Variants in ABTB3 observed in about 807,000 individuals in gnomAD.
ABTB3 encodes ankyrin repeat- and BTB/POZ domain-containing protein 3.
the ABTB3 span, among the ~76,000 whole-genome samples, chr12:107,592,884 T>C: frequency 1.3e-5 from 2 of 152,218 alleles, no homozygotes; most frequent in African/African-American, 4.8e-5. Flanking sequence ...GTGGTCATTA[T>C]ATTACTCTAT....
chr12:107,327,967 A>G, the ABTB3 span, among the ~76,000 whole-genome samples: 2 of 152,156 alleles, frequency 1.3e-5, no homozygotes, highest in Non-Finnish European at 2.9e-5. Context: ...ATGATAGAGA[A>G]TGTGGAGGAT....
chr12:107,440,339 C>T, the ABTB3 span, among the ~76,000 whole-genome samples: 2 of 152,220 alleles, frequency 1.3e-5, no homozygotes, highest in African/African-American at 2.4e-5. Context: ...AAGCTCACGC[C>T]GACTTCCCAG....
chr12:107,633,579 T>A, the ABTB3 span, among the ~76,000 whole-genome samples: 1 of 152,208 alleles, frequency 6.6e-6, no homozygotes, highest in East Asian at 1.9e-4. Context: ...GGGAGTCACC[T>A]GCAGAGTGTG....
the ABTB3 span, among the ~76,000 whole-genome samples, chr12:107,343,817 G>A: frequency 7.9e-5 from 12 of 152,138 alleles, no homozygotes; most frequent in African/African-American, 2.4e-4. Flanking sequence ...AGAAGTGTGA[G>A]CGCAGGAAAA....
the ABTB3 span, among the ~76,000 whole-genome samples, chr12:107,553,217 A>T: frequency 2.0e-5 from 3 of 152,194 alleles, no homozygotes; most frequent in African/African-American, 7.2e-5. Context: ...ATCCAGATTG[A>T]TCTCTTCTTT....
chr12:107,550,897 T>G, the ABTB3 span, among the ~76,000 whole-genome samples: 1 of 152,104 alleles, frequency 6.6e-6, no homozygotes, highest in South Asian at 2.1e-4. Flanking sequence ...CTAATTTACT[T>G]TTAAAAAAAT....
At chr12:107,630,921 C>A in the ABTB3 span, among the ~76,000 whole-genome samples, 1 of 152,058 alleles carries the variant, frequency 6.6e-6, no homozygotes, top group Non-Finnish European at 1.5e-5. Flanking sequence ...AAATCCAGAC[C>A]TTATTCAGAG....
At chr12:107,635,137 G>A in the ABTB3 span, 6 of 628,398 alleles carry the variant, frequency 9.5e-6, no homozygotes, top group African/African-American at 3.7e-5. Flanking sequence ...GAATGCAAAC[G>A]ACTTCTGTGC....
At chr12:107,619,979 G>T in the ABTB3 span, 3 of 1,595,748 alleles carry the variant, frequency 1.9e-6, no homozygotes, top group Middle Eastern at 1.7e-4. Context: ...TCCTCTCCCC[G>T]CTCCAGGCGT....
the ABTB3 span, among the ~76,000 whole-genome samples, chr12:107,507,846 A>G: frequency 1.3e-5 from 2 of 152,302 alleles, no homozygotes; most frequent in South Asian, 4.1e-4. Context: ...CAGCTCAACA[A>G]TGAAGGCTTT....
the ABTB3 span, among the ~76,000 whole-genome samples, chr12:107,476,062 C>T: frequency 9.2e-5 from 14 of 152,280 alleles, no homozygotes; most frequent in South Asian, 6.2e-4. Flanking sequence ...CCCCAGAAGC[C>T]GGGGCCCTGA....
At chr12:107,499,947 A>G in the ABTB3 span, among the ~76,000 whole-genome samples, 932 of 152,116 alleles carry the variant, frequency 6.1e-3, 8 homozygotes, top group African/African-American at 0.021. Context: ...TGTCCTCCCA[A>G]AGTGCTGGGA....
At chr12:107,367,153 C>G in the ABTB3 span, among the ~76,000 whole-genome samples, 3 of 152,082 alleles carry the variant, frequency 2.0e-5, no homozygotes, top group Admixed American at 6.6e-5. Context: ...GTGCCTTCCC[C>G]GGATCACAGT....
At chr12:107,469,254 C>T in the ABTB3 span, among the ~76,000 whole-genome samples, 33 of 152,294 alleles carry the variant, frequency 2.2e-4, no homozygotes, top group African/African-American at 7.9e-4. Context: ...GGTTGGCTCC[C>T]AAAACCAGAA....
the ABTB3 span, among the ~76,000 whole-genome samples, chr12:107,412,875 T>C: frequency 3.9e-5 from 6 of 152,220 alleles, no homozygotes; most frequent in Non-Finnish European, 7.4e-5. Context: ...GTGAAGGACC[T>C]GCTAAAACTT....
At chr12:107,334,604 A>T in the ABTB3 span, among the ~76,000 whole-genome samples, 1 of 152,128 alleles carries the variant, frequency 6.6e-6, no homozygotes, top group Non-Finnish European at 1.5e-5. Context: ...AGGCCATTGG[A>T]TACTCATTTA....
At chr12:107,446,163 T>TGAAG in the ABTB3 span, among the ~76,000 whole-genome samples, 1 of 151,824 alleles carries the variant, frequency 6.6e-6, no homozygotes, top group African/African-American at 2.4e-5. Context: ...ACTGCTTCAG[T>TGAAG]GAAGGTATAG....
the ABTB3 span, among the ~76,000 whole-genome samples, chr12:107,347,998 G>T: frequency 5.9e-4 from 89 of 152,102 alleles, no homozygotes; most frequent in African/African-American, 2.0e-3. Flanking sequence ...GGTACAGAAG[G>T]CTTCAAAAGA....
chr12:107,546,088 G>A, the ABTB3 span, among the ~76,000 whole-genome samples: 5 of 152,192 alleles, frequency 3.3e-5, no homozygotes, highest in East Asian at 1.9e-4. Flanking sequence ...CATACTTAAC[G>A]TAATTTGTAA....
Sources: gnomAD v4.1 joint callset for allele counts (sites outside exome capture counted in the v4.1 genomes callset) on GRCh38, gnomAD v4.1.1 for gene constraint, MANE v1.5 for transcripts, NCBI Gene and HGNC (gene_info 2026-07-23, HGNC 2026-07-21) for gene names.